The following CNIH4 variants were observed in gnomAD, a reference collection of about 807,000 sequenced individuals.
CNIH4 encodes protein cornichon homolog 4.
CNIH4 carries 9 observed loss-of-function variants against 21.5 expected under a neutral mutation model. That is an observed-to-expected ratio of 0.42 (90% confidence interval 0.25 to 0.73). The LOEUF (loss-of-function observed/expected upper bound fraction) is 0.73. CNIH4 is among the 30% of genes least tolerant of loss of function. The pLI is 0.27. For missense variants in CNIH4, 159 were observed against 170.0 expected, an observed-to-expected ratio of 0.94 and a Z score of 0.36; for synonymous variants, 67 against 59.1, an observed-to-expected ratio of 1.13 and a Z score of -0.61.
In CNIH4 at chr1:224,379,124, C is replaced by T. The variant is rs1353467737; in HGVS notation, c.*3302C>T. 6 of 1,549,884 alleles carry T rather than the reference C, an allele frequency of 3.9e-6. No homozygotes were observed. Among genetic ancestry groups the T allele is most frequent in the South Asian group, 1.2e-5 (1 of 84,052 alleles). ...ACCTCGGCTGAGAAAGAAGAGGAAG[C>T]GAAATCCAAGATGCAGCTCAGTTCA... On this transcript the variant is annotated 3_prime_UTR_variant, in exon 5 of 5. Transcript: ENST00000465271.
chr1:224,364,536 A>G (rs112018195), intron 2 of CNIH4: 214 of 210,752 alleles, frequency 1.0e-3, no homozygotes, highest in African/African-American at 4.9e-3. Flanking sequence ...CAGCTAATAA[A>G]TAGGACATAG....
intron 1 of CNIH4, chr1:224,357,498 C>CG (rs969374723): frequency 2.6e-5 from 4 of 153,288 alleles, no homozygotes; most frequent in African/African-American, 9.6e-5. Context: ...GCAACACCCC[C>CG]GGCACCCGCC....
At chr1:224,368,057 G>A (rs957361250) in intron 3 of CNIH4, among the ~76,000 whole-genome samples, 3 of 152,254 alleles carry the variant, frequency 2.0e-5, no homozygotes, top group Non-Finnish European at 4.4e-5. Flanking sequence ...TAGGCCGGGC[G>A]TGGTGGCCCA....
chr1:224,376,050 G>T lies in CNIH4; in HGVS notation c.*228G>T. On this transcript the variant is annotated 3_prime_UTR_variant, in exon 5 of 5. Transcript: ENST00000465271. ...TTAGCCTGAACGCCAACACTTGAAG[G>T]TGTTTTTCATCCTCTGTATGTTGAA... The T allele has an allele frequency of 1.6e-6, 2 of 1,240,210 alleles. No individual in the cohort carries two copies. The highest frequency in any genetic ancestry group is 6.1e-5 in the South Asian group (2 of 32,586). 76.8% of individuals were successfully genotyped at this position (1,240,210 alleles called of 1,614,324 possible).
chr1:224,365,884 A>G lies in CNIH4; in HGVS notation c.144A>G (p.Val48=). The part of the protein sequence containing the change: ...RSCCSKLNKW[V]IPELIGHTIV... ...ACTGTGTTCTTCCATTGCAGTGGGT[A>G]ATTCCAGAATTGATTGGCCATACCA... Residue 48 remains valine (V), a synonymous_variant, in exon 3 of 5, where the codon GTA becomes GTG. Coordinates refer to ENST00000465271, the MANE Select transcript of CNIH4 (RefSeq NM_014184.4). 1 of 1,587,196 alleles carries G rather than the reference A, an allele frequency of 6.3e-7. No individual in the cohort carries two copies. The highest frequency in any genetic ancestry group is 8.7e-7 in the Non-Finnish European group (1 of 1,155,416).
rs1672848289 is a variant in CNIH4 at position 224,378,979 on chromosome 1, AG to A, written c.*3160del. ...CCTTCCCTCTATAATGGCAGTACCC[AG>A]GGCCCGGTCCATAGACTACTATCGA... On this transcript the variant is annotated 3_prime_UTR_variant, in exon 5 of 5. Transcript: ENST00000465271. 4 of 1,296,116 alleles carry A rather than the reference AG, an allele frequency of 3.1e-6. No homozygotes were observed. Among genetic ancestry groups the A allele is most frequent in the Non-Finnish European group, 4.4e-6 (4 of 914,858 alleles). The allele number at this position is 1,296,116 out of a possible 1,614,324, so 80.3% of individuals were successfully genotyped here.
chr1:224,376,978 C>T lies in CNIH4; in HGVS notation c.*1156C>T. On this transcript the variant is annotated 3_prime_UTR_variant, in exon 5 of 5. Coordinates refer to ENST00000465271, the MANE Select transcript of CNIH4 (RefSeq NM_014184.4). ...TGGGAGAATCCAAAGGCATTATTCA[C>T]TCTAGTTGAGATAGAATTGGGTGGC... 1 of 922,852 alleles carries T rather than the reference C, an allele frequency of 1.1e-6. No individual in the cohort carries two copies. The allele number at this position is 922,852 out of a possible 1,614,324, so 57.2% of individuals were successfully genotyped here.
chr1:224,374,381 A>T (rs1672719644), intron 4 of CNIH4, among the ~76,000 whole-genome samples: 1 of 150,828 alleles, frequency 6.6e-6, no homozygotes, highest in Non-Finnish European at 1.5e-5. Flanking sequence ...GGGCTCTACC[A>T]CTTACACTGT....
intron 4 of CNIH4, among the ~76,000 whole-genome samples, chr1:224,373,821 C>G (rs1672704478): frequency 6.7e-6 from 1 of 148,586 alleles, no homozygotes; most frequent in Admixed American, 6.7e-5. Context: ...GAGTAAGGCT[C>G]CGTCTCAAAA....
upstream of CNIH4, chr1:224,356,874 G>A (rs879031259): frequency 2.3e-5 from 35 of 1,514,332 alleles, 2 homozygotes; most frequent in Admixed American, 6.0e-4. Flanking sequence ...GGGGTGGGTC[G>A]GGGCATCCGA....
At chr1:224,370,781 T>C (rs114652905) in intron 3 of CNIH4, among the ~76,000 whole-genome samples, 73 of 152,214 alleles carry the variant, frequency 4.8e-4, no homozygotes, top group African/African-American at 1.7e-3. Context: ...AACAGTATTA[T>C]AACTTTCAAA....
chr1:224,369,409 C>T (rs1055116573), intron 3 of CNIH4, among the ~76,000 whole-genome samples: 1 of 151,956 alleles, frequency 6.6e-6, no homozygotes, highest in Non-Finnish European at 1.5e-5. Flanking sequence ...CCCATCTCTA[C>T]TAAAAATACA....
chr1:224,372,562 G>A (rs1462404016), intron 4 of CNIH4, among the ~76,000 whole-genome samples: 1 of 151,534 alleles, frequency 6.6e-6, no homozygotes, highest in African/African-American at 2.4e-5. Flanking sequence ...GAGATAGCAG[G>A]GGTTTTTTTT....
At chr1:224,360,102 C>G (rs1470310524) in intron 1 of CNIH4, among the ~76,000 whole-genome samples, 1 of 151,994 alleles carries the variant, frequency 6.6e-6, no homozygotes, top group East Asian at 1.9e-4. Context: ...CGCCACTGCA[C>G]TACAGCCTGG....
Position 224,376,166 on chromosome 1 carries a change from A to C in CNIH4, c.*344A>C. ...ACACTTTAAAGGGCAAACTGAAGAG[A>C]TGAGCGAGCAAAGGTGCCCTTCAGG... On this transcript the variant is annotated 3_prime_UTR_variant, in exon 5 of 5. Coordinates refer to ENST00000465271, the MANE Select transcript of CNIH4 (RefSeq NM_014184.4). 6 of 1,029,820 alleles carry C rather than the reference A, an allele frequency of 5.8e-6. No individual in the cohort carries two copies. Among genetic ancestry groups the C allele is most frequent in the Non-Finnish European group, 7.0e-6 (6 of 859,002 alleles). The allele number at this position is 1,029,820 out of a possible 1,614,324, so 63.8% of individuals were successfully genotyped here.
intron 3 of CNIH4, among the ~76,000 whole-genome samples, chr1:224,368,657 T>C: frequency 1.6e-5 from 1 of 62,614 alleles, no homozygotes; most frequent in Admixed American, 2.2e-4. Flanking sequence ...CAGAAGCAGC[T>C]GCACTTTTTT....
intron 2 of CNIH4, chr1:224,364,013 G>T: frequency 4.1e-6 from 4 of 982,612 alleles, no homozygotes; most frequent in Non-Finnish European, 4.8e-6. Flanking sequence ...AGGGCATATC[G>T]TTAAGGAGGG....
At chr1:224,365,848 T>G in intron 2 of CNIH4, 31 bp from the exon 3 acceptor site, 69 of 1,207,198 alleles carry the variant, frequency 5.7e-5, no homozygotes, top group Non-Finnish European at 7.7e-5. Context: ...GACATAGCAG[T>G]GAGATGTAAT....
chr1:224,374,928 A>T (rs148400218), intron 4 of CNIH4, among the ~76,000 whole-genome samples: 1 of 152,218 alleles, frequency 6.6e-6, no homozygotes, highest in Non-Finnish European at 1.5e-5. Context: ...ACAATTATTT[A>T]TACCATAAGT....
Sources: allele counts gnomAD v4.1 joint callset (sites outside exome capture counted in the v4.1 genomes callset), GRCh38; gene constraint gnomAD v4.1.1; transcripts MANE v1.5; gene names NCBI Gene and HGNC (gene_info 2026-07-23, HGNC 2026-07-21).